The following EPHB1 variants were observed in gnomAD, a reference collection of about 807,000 sequenced individuals.
The protein encoded by EPHB1 is ephrin type-B receptor 1.
EPHB1 carries 30 observed loss-of-function variants against 94.4 expected under a neutral mutation model. The ratio of observed to expected loss-of-function variants is 0.32; its 90% CI spans 0.24 to 0.43. The LOEUF (loss-of-function observed/expected upper bound fraction) is 0.43. Ranked by LOEUF, EPHB1 falls within the 20% of genes least tolerant of loss-of-function variation. The pLI is 1.00. For synonymous variants in EPHB1, 522 were observed against 489.1 expected (o/e 1.07, Z -0.89); for missense variants, 1,055 against 1,308.3 (o/e 0.81, Z 2.99).
chr3:134,996,705 C>G (rs1935006689), intron 3 of EPHB1, among the ~76,000 whole-genome samples: 1 of 151,964 alleles, frequency 6.6e-6, no homozygotes, highest in South Asian at 2.1e-4. Context: ...AGTCTGATAG[C>G]TGAAAAACGT....
intron 3 of EPHB1, among the ~76,000 whole-genome samples, chr3:135,022,970 CAAG>C (rs1298541086): frequency 2.0e-5 from 3 of 152,132 alleles, no homozygotes; most frequent in African/African-American, 7.2e-5. Flanking sequence ...GTGTGTTGGT[CAAG>C]TAGAAAATGT....
rs1431843152 is a variant in EPHB1, at chr3:134,841,678, T to G, written c.58+45989T>G. 4 of 152,320 alleles carry G rather than the reference T, an allele frequency of 2.6e-5. No individual in the cohort carries two copies. The East Asian group carries it at 7.7e-4, about 29-fold the overall frequency. 9.4% of individuals were successfully genotyped at this position (152,320 alleles called of 1,614,324 possible). On this transcript the variant is annotated intron_variant, in intron 1 of 15. Coordinates refer to ENST00000398015, the MANE Select transcript of EPHB1 (RefSeq NM_004441.5). ...GAATGTTGAATTAGGCTCACAATCATTTGAATCCTGCTTTGGCTTAACTCT... is the reference window on the plus strand; with the variant it reads ...GAATGTTGAATTAGGCTCACAATCAGTTGAATCCTGCTTTGGCTTAACTCT...
At chr3:135,246,329 A>G (rs1280384898) in intron 13 of EPHB1, among the ~76,000 whole-genome samples, 2 of 152,098 alleles carry the variant, frequency 1.3e-5, no homozygotes, top group Non-Finnish European at 2.9e-5. Flanking sequence ...CAATCTAGTT[A>G]CTTGGAAGGA....
At chr3:135,072,567 G>A (rs964591085) in intron 3 of EPHB1, among the ~76,000 whole-genome samples, 12 of 152,184 alleles carry the variant, frequency 7.9e-5, no homozygotes, top group South Asian at 2.1e-4. Context: ...CAGACTTCCC[G>A]CCGATCCCCA....
intron 3 of EPHB1, among the ~76,000 whole-genome samples, chr3:134,986,117 G>C (rs770182770): frequency 1.3e-5 from 2 of 152,194 alleles, no homozygotes; most frequent in Non-Finnish European, 2.9e-5. Flanking sequence ...TAGCACATTA[G>C]GTCAGGATGT....
At chr3:135,133,155 GCCT>G in intron 5 of EPHB1, 106 bp downstream of exon 5, 1 of 1,168,578 alleles carries the variant, frequency 8.6e-7, no homozygotes, top group Non-Finnish European at 1.2e-6. Context: ...GTACTGTCAG[GCCT>G]CTGCCCAGGA....
chr3:134,972,403 A>G (rs144300698), intron 3 of EPHB1, among the ~76,000 whole-genome samples: 2,383 of 146,124 alleles, frequency 0.016, 42 homozygotes, highest in African/African-American at 0.044. Context: ...TAAGTATATT[A>G]TATATCTTTT....
At chr3:135,182,101 G>T (rs905029222) in intron 10 of EPHB1, among the ~76,000 whole-genome samples, 3 of 152,132 alleles carry the variant, frequency 2.0e-5, no homozygotes, top group Admixed American at 6.6e-5. Flanking sequence ...AGACACTCCT[G>T]CAGGGAACCA....
chr3:134,907,399 C>T (rs1337376794), intron 1 of EPHB1, among the ~76,000 whole-genome samples: 1 of 152,066 alleles, frequency 6.6e-6, no homozygotes, highest in Non-Finnish European at 1.5e-5. Flanking sequence ...GCAGATGGGC[C>T]CAAAGTGCTT....
At chr3:135,125,709 C>A (rs1940169002) in intron 4 of EPHB1, among the ~76,000 whole-genome samples, 1 of 152,210 alleles carries the variant, frequency 6.6e-6, no homozygotes, top group African/African-American at 2.4e-5. Context: ...GTCTACATCC[C>A]TGACAGTTGA....
At chr3:135,033,431 C>T (rs1479372155) in intron 3 of EPHB1, among the ~76,000 whole-genome samples, 1 of 152,190 alleles carries the variant, frequency 6.6e-6, no homozygotes, top group African/African-American at 2.4e-5. Flanking sequence ...CAGCTGCTCT[C>T]TCTGATATGT....
rs1174011769 is a variant in EPHB1, at chr3:134,955,105, A to ATTTTTTTTTTTTTTT, written c.805+3066_805+3067insTTTTTTTTTTTTTTT. Among the ~76,000 whole-genome samples, 76 of 24,130 alleles carry ATTTTTTTTTTTTTTT rather than the reference A, an allele frequency of 3.1e-3. 1 individual carries two copies. Among genetic ancestry groups the ATTTTTTTTTTTTTTT allele is most frequent in the Non-Finnish European group, 4.0e-3 (57 of 14,278 alleles). 15.8% of individuals were successfully genotyped at this position (24,130 alleles called of 152,430 possible). Reference sequence around the variant, plus strand: ...TTTTTTTTTTTTTTTTTTTTTTTTAATTTTTTTTTTTTTAATTATACTCTA... The same window carrying ATTTTTTTTTTTTTTT: ...TTTTTTTTTTTTTTTTTTTTTTTTAATTTTTTTTTTTTTTTTTTTTTTTTTTTTAATTATACTCTA... On this transcript the variant is annotated intron_variant, in intron 3 of 15. Transcript: ENST00000398015.
chr3:134,813,721 G>T (rs1161894315), intron 1 of EPHB1, among the ~76,000 whole-genome samples: 1 of 152,178 alleles, frequency 6.6e-6, no homozygotes, highest in African/African-American at 2.4e-5. Context: ...ACAGTCTCAG[G>T]ATTCTACAGG....
chr3:135,234,342 A>T (rs1943599878), intron 12 of EPHB1, among the ~76,000 whole-genome samples: 1 of 152,042 alleles, frequency 6.6e-6, no homozygotes, highest in Admixed American at 6.6e-5. Context: ...TCTCCATCTG[A>T]GACCACCTTA....
intron 3 of EPHB1, among the ~76,000 whole-genome samples, chr3:134,972,405 A>G (rs1339223427): frequency 2.1e-5 from 3 of 146,180 alleles, no homozygotes; most frequent in African/African-American, 7.4e-5. Flanking sequence ...AGTATATTAT[A>G]TATCTTTTAT....
chr3:135,061,370 C>CCT (rs201860693), intron 3 of EPHB1, among the ~76,000 whole-genome samples: 1 of 124,934 alleles, frequency 8.0e-6, no homozygotes, highest in Non-Finnish European at 1.7e-5. Context: ...GAATGACCAC[C>CCT]CCCCCCGACC....
At chr3:135,206,699 A>T (rs1156511213) in intron 12 of EPHB1, among the ~76,000 whole-genome samples, 1 of 152,162 alleles carries the variant, frequency 6.6e-6, no homozygotes, top group Non-Finnish European at 1.5e-5. Context: ...AATCCAAAAA[A>T]TTAGCTAGGT....
intron 1 of EPHB1, among the ~76,000 whole-genome samples, chr3:134,823,634 C>T (rs140429248): frequency 9.1e-4 from 138 of 152,296 alleles, no homozygotes; most frequent in African/African-American, 2.7e-3. Flanking sequence ...CTTCTAGGTC[C>T]AGCCAGGTTT....
intron 12 of EPHB1, among the ~76,000 whole-genome samples, chr3:135,216,042 C>T (rs1943141850): frequency 6.6e-6 from 1 of 152,200 alleles, no homozygotes; most frequent in Non-Finnish European, 1.5e-5. Context: ...AGAACTTCTC[C>T]TTCTCCAAGC....
Sources: allele counts gnomAD v4.1 joint callset (sites outside exome capture counted in the v4.1 genomes callset), GRCh38; gene constraint gnomAD v4.1.1; transcripts MANE v1.5; gene names NCBI Gene and HGNC (gene_info 2026-07-23, HGNC 2026-07-21).